Variants in TFPI observed in about 807,000 individuals in gnomAD.
TFPI encodes anti-convertin.
In TFPI, 15 loss-of-function variants were observed where a neutral mutation model predicts 34.6. The ratio of observed to expected loss-of-function variants is 0.43; its 90% CI spans 0.29 to 0.67. TFPI has a LOEUF of 0.67. Ranked by LOEUF, TFPI falls within the 30% of genes least tolerant of loss-of-function variation. TFPI has a pLI of 0.15. For missense variants in TFPI, 301 were observed against 364.0 expected, an observed-to-expected ratio of 0.83 and a Z score of 1.41; for synonymous variants, 105 against 120.1, an observed-to-expected ratio of 0.87 and a Z score of 0.82.
chr2:187,528,887 A>G (rs1391516410), intron 1 of TFPI, among the ~76,000 whole-genome samples: 3 of 152,046 alleles, frequency 2.0e-5, no homozygotes, highest in African/African-American at 4.8e-5. Flanking sequence ...AGTAAAAATC[A>G]TATTTAACAC....
At chr2:187,540,060 A>C (rs1480381005) in intron 1 of TFPI, among the ~76,000 whole-genome samples, 5 of 151,780 alleles carry the variant, frequency 3.3e-5, no homozygotes, top group African/African-American at 1.2e-4. Flanking sequence ...ACGCCTGGCT[A>C]ATTTTTTTTG....
At chr2:187,468,056 G>C in intron 6 of TFPI, 124 bp from the exon 7 acceptor site, 1 of 734,412 alleles carries the variant, frequency 1.4e-6, no homozygotes, top group Admixed American at 3.9e-5. Flanking sequence ...TGAATAAAGG[G>C]GTATTTAATA....
At chr2:187,531,691 T>G (rs1336584314) in intron 1 of TFPI, among the ~76,000 whole-genome samples, 1 of 152,160 alleles carries the variant, frequency 6.6e-6, no homozygotes, top group Non-Finnish European at 1.5e-5. Flanking sequence ...TGCAGTCACC[T>G]AGAAATTGAC....
At chr2:187,478,291 C>T (rs1407969664) in intron 6 of TFPI, among the ~76,000 whole-genome samples, 9 of 152,024 alleles carry the variant, frequency 5.9e-5, no homozygotes, top group African/African-American at 1.9e-4. Flanking sequence ...ACCTGGGAGG[C>T]GGAGATTGCA....
chr2:187,520,395 G>A (rs909222979), intron 1 of TFPI: 5 of 152,304 alleles, frequency 3.3e-5, no homozygotes, highest in African/African-American at 1.2e-4. Flanking sequence ...CCTGGCTAGG[G>A]GAGGGAGTTC....
chr2:187,527,743 A>C (rs1191300053), intron 1 of TFPI, among the ~76,000 whole-genome samples: 1 of 152,202 alleles, frequency 6.6e-6, no homozygotes, highest in African/African-American at 2.4e-5. Context: ...TCATTATAAA[A>C]CATCATTTTT....
chr2:187,495,194 TAA>T (rs1038965206), intron 3 of TFPI, among the ~76,000 whole-genome samples: 1 of 152,106 alleles, frequency 6.6e-6, no homozygotes, highest in Non-Finnish European at 1.5e-5. Flanking sequence ...TGATAAACCA[TAA>T]GACTTGAACT....
intron 6 of TFPI, chr2:187,478,814 CA>C: frequency 6.2e-7 from 1 of 1,605,382 alleles, no homozygotes; most frequent in African/African-American, 1.3e-5. Context: ...CTGTGGATCA[CA>C]AAATTGATAA....
chr2:187,538,954 G>T (rs928608591), intron 1 of TFPI, among the ~76,000 whole-genome samples: 1 of 151,984 alleles, frequency 6.6e-6, no homozygotes, highest in Non-Finnish European at 1.5e-5. Context: ...AAGAATTATT[G>T]GGTCTAATAT....
At chr2:187,494,031 G>A (rs1685296364) in intron 3 of TFPI, among the ~76,000 whole-genome samples, 1 of 152,022 alleles carries the variant, frequency 6.6e-6, no homozygotes, top group Non-Finnish European at 1.5e-5. Flanking sequence ...CATTCTACTG[G>A]TACCAATTTA....
chr2:187,485,031 A>C (rs1460768631), intron 4 of TFPI, 44 bp from the exon 5 acceptor site: 1 of 1,347,030 alleles, frequency 7.4e-7, no homozygotes, highest in Non-Finnish European at 9.7e-7. Flanking sequence ...CTTTTGTGTA[A>C]ATAAATTACT....
At position 187,484,123 on chromosome 2, in the gene TFPI, C is replaced by A; in HGVS notation, c.628+1G>T. 3 of 1,611,462 alleles carry A rather than the reference C, an allele frequency of 1.9e-6. No homozygotes were observed. The highest frequency in any genetic ancestry group is 1.1e-5 in the South Asian group (1 of 90,956). On this transcript the variant is annotated splice_donor_variant, in intron 6 of 7. Coordinates refer to ENST00000233156, the MANE Select transcript of TFPI (RefSeq NM_006287.6). LOFTEE classifies it high-confidence loss of function. ...AGCAATAAAATCCACAAGATTCTTA[C>A]CAAAAAGGCTGGGAACCTTGGTTGA...
At chr2:187,538,551 CAAG>C (rs1044382830) in intron 1 of TFPI, among the ~76,000 whole-genome samples, 7 of 152,234 alleles carry the variant, frequency 4.6e-5, no homozygotes, top group Admixed American at 4.6e-4. Context: ...CACGTGGACA[CAAG>C]GAGGGGAACA....
At chr2:187,537,446 C>G (rs1040190728) in intron 1 of TFPI, among the ~76,000 whole-genome samples, 4 of 152,160 alleles carry the variant, frequency 2.6e-5, no homozygotes, top group Admixed American at 6.5e-5. Context: ...ACATCTACAT[C>G]CATCTGATCT....
At chr2:187,475,046 C>T (rs189422104) in intron 6 of TFPI, among the ~76,000 whole-genome samples, 38 of 152,226 alleles carry the variant, frequency 2.5e-4, no homozygotes, top group African/African-American at 5.5e-4. Context: ...TGTCTTAGCA[C>T]GTAACACAGG....
At chr2:187,494,654 C>T (rs1361862738) in intron 3 of TFPI, among the ~76,000 whole-genome samples, 2 of 152,172 alleles carry the variant, frequency 1.3e-5, no homozygotes, top group Admixed American at 1.3e-4. Flanking sequence ...CATATTTTTT[C>T]CATATACCAG....
intron 4 of TFPI, among the ~76,000 whole-genome samples, chr2:187,486,571 A>G (rs1693285102): frequency 6.6e-6 from 1 of 151,696 alleles, no homozygotes. Flanking sequence ...ATGAAACTAC[A>G]TTGGGAAACA....
intron 6 of TFPI, among the ~76,000 whole-genome samples, chr2:187,471,668 T>A (rs988874701): frequency 2.0e-4 from 31 of 151,752 alleles, no homozygotes; most frequent in African/African-American, 5.6e-4. Context: ...CTTTTTTTTT[T>A]AAATCAGGAA....
At position 187,503,631 on chromosome 2, in the gene TFPI, T is replaced by C. The variant is rs1483892733; in HGVS notation, c.121+17A>G. 4 of 1,608,480 alleles carry C rather than the reference T, an allele frequency of 2.5e-6. No individual in the cohort carries two copies. Among genetic ancestry groups the C allele is most frequent in the Non-Finnish European group, 3.4e-6 (4 of 1,177,350 alleles). ...GCTTTAACTAGCTTAAAAAGATAAT[T>C]GCTTCTAATATTTTACCTGTGATAA... On this transcript the variant is annotated intron_variant, in intron 2 of 7. Transcript: ENST00000233156.
Sources: gnomAD v4.1 joint callset for allele counts (sites outside exome capture counted in the v4.1 genomes callset) on GRCh38, gnomAD v4.1.1 for gene constraint, MANE v1.5 for transcripts, NCBI Gene and HGNC (gene_info 2026-07-23, HGNC 2026-07-21) for gene names.